The following ROBO2 variants were observed in gnomAD, a reference collection of about 807,000 sequenced individuals.
The protein encoded by ROBO2 is roundabout homolog 2.
ROBO2 carries 53 observed loss-of-function variants against 160.8 expected under a neutral mutation model. The ratio of observed to expected loss-of-function variants is 0.33; its 90% confidence interval spans 0.26 to 0.41. The LOEUF (loss-of-function observed/expected upper bound fraction) is 0.41, where lower values mean the gene tolerates loss of function less well. Among genes scored for constraint, ROBO2 ranks in the 10% least tolerant of loss-of-function variants. The pLI is 1.00. For synonymous variants in ROBO2, 664 were observed against 611.7 expected (o/e 1.09, Z -1.26); for missense variants, 1,577 against 1,722.4 (o/e 0.92, Z 1.49).
At chr3:77,477,683 T>A in intron 3 of ROBO2, 112 bp downstream of exon 3, 1 of 1,106,172 alleles carries the variant, frequency 9.0e-7, no homozygotes, top group South Asian at 1.4e-5. Flanking sequence ...TGAATGTTAA[T>A]TACAATTTAT....
chr3:76,591,424 A>G (rs938899335), intron 2 of ROBO2, among the ~76,000 whole-genome samples: 12 of 152,146 alleles, frequency 7.9e-5, no homozygotes, highest in Non-Finnish European at 1.5e-4. Context: ...GTCAACTGTA[A>G]TAAAAAAGAT....
chr3:76,571,197 A>G (rs1017596959), intron 2 of ROBO2, among the ~76,000 whole-genome samples: 16 of 152,178 alleles, frequency 1.1e-4, no homozygotes, highest in Admixed American at 7.2e-4. Flanking sequence ...ACAGCATTCA[A>G]TTAACAAAAG....
chr3:76,451,333 G>C (rs900095728), intron 2 of ROBO2, among the ~76,000 whole-genome samples: 1 of 152,130 alleles, frequency 6.6e-6, no homozygotes, highest in Non-Finnish European at 1.5e-5. Flanking sequence ...GGGTTAAACA[G>C]TAGCATAACC....
At chr3:76,697,851 A>T (rs1392035547) in intron 2 of ROBO2, among the ~76,000 whole-genome samples, 3 of 152,172 alleles carry the variant, frequency 2.0e-5, no homozygotes, top group African/African-American at 7.2e-5. Context: ...GGAAAAAAAA[A>T]TTGAGGGAAC....
chr3:77,202,220 T>G (rs1283045755), intron 2 of ROBO2, among the ~76,000 whole-genome samples: 1 of 152,144 alleles, frequency 6.6e-6, no homozygotes, highest in Non-Finnish European at 1.5e-5. Context: ...TAACCATATG[T>G]GTTAATAGCA....
chr3:77,396,179 T>C (rs1367173603), intron 2 of ROBO2, among the ~76,000 whole-genome samples: 1 of 152,060 alleles, frequency 6.6e-6, no homozygotes, highest in Non-Finnish European at 1.5e-5. Flanking sequence ...TCTAGGTTAC[T>C]ATTTGTTTCT....
At chr3:76,964,858 G>A (rs6793794) in intron 2 of ROBO2, among the ~76,000 whole-genome samples, 2 of 152,066 alleles carry the variant, frequency 1.3e-5, no homozygotes, top group Non-Finnish European at 2.9e-5. Context: ...ACTACTTTTA[G>A]TAATTCATAG....
chr3:76,585,578 C>A (rs1205861240), intron 2 of ROBO2, among the ~76,000 whole-genome samples: 2 of 152,126 alleles, frequency 1.3e-5, no homozygotes, highest in African/African-American at 4.8e-5. Context: ...ATTTAGGACC[C>A]ACATTTTGAG....
At chr3:76,019,567 A>G (rs1276496265) in intron 2 of ROBO2, among the ~76,000 whole-genome samples, 1 of 151,722 alleles carries the variant, frequency 6.6e-6, no homozygotes, top group African/African-American at 2.4e-5. Context: ...ATATCTGAGA[A>G]TACTGTATAT....
chr3:76,444,759 T>C (rs952889787), intron 2 of ROBO2, among the ~76,000 whole-genome samples: 1 of 152,202 alleles, frequency 6.6e-6, no homozygotes, highest in Non-Finnish European at 1.5e-5. Flanking sequence ...AGCCTAACCA[T>C]ATCAAGGTTT....
At chr3:77,569,471 A>G (rs1323405320) in intron 13 of ROBO2, among the ~76,000 whole-genome samples, 1 of 151,790 alleles carries the variant, frequency 6.6e-6, no homozygotes, top group East Asian at 1.9e-4. Context: ...TTTTTTAGAG[A>G]AATGTCTATT....
chr3:77,338,186 G>T (rs2066684029), intron 2 of ROBO2, among the ~76,000 whole-genome samples: 1 of 152,014 alleles, frequency 6.6e-6, no homozygotes, highest in Non-Finnish European at 1.5e-5. Flanking sequence ...TTTTATTTTG[G>T]TCCAGGATTA....
At chr3:77,306,017 T>C (rs1580906947) in intron 2 of ROBO2, among the ~76,000 whole-genome samples, 1 of 152,246 alleles carries the variant, frequency 6.6e-6, no homozygotes, top group African/African-American at 2.4e-5. Flanking sequence ...ATATTTCCAG[T>C]TTAGGAAATA....
intron 2 of ROBO2, among the ~76,000 whole-genome samples, chr3:76,348,186 C>T (rs2172897): frequency 1.6e-4 from 25 of 152,010 alleles, no homozygotes; most frequent in Admixed American, 1.4e-3. Flanking sequence ...AAGCACTGTC[C>T]GCCATCATTC....
At chr3:77,090,324 T>TC (rs2069991098) in intron 1 of ROBO2, among the ~76,000 whole-genome samples, 1 of 2,520 alleles carries the variant, frequency 4.0e-4, no homozygotes, top group Non-Finnish European at 9.6e-4. Flanking sequence ...TAAACCACTC[T>TC]TTTTTTTTTT....
intron 9 of ROBO2, among the ~76,000 whole-genome samples, chr3:77,562,108 T>A (rs57695141): frequency 8.6e-4 from 130 of 151,236 alleles, no homozygotes; most frequent in Middle Eastern, 3.4e-3. Context: ...TGTCTCGGGG[T>A]AAAAAAAAAG....
chr3:76,770,132 G>A (rs545686050), intron 2 of ROBO2, among the ~76,000 whole-genome samples: 49 of 151,444 alleles, frequency 3.2e-4, no homozygotes, highest in African/African-American at 1.1e-3. Context: ...GGTTTAGACT[G>A]AACATTATTC....
chr3:77,532,167 T>C lies in ROBO2; in HGVS notation c.934+9265T>C, dbSNP rs572997326. Among the ~76,000 whole-genome samples the C allele has an allele frequency of 3.3e-5, 5 of 152,230 alleles. No homozygotes were observed. In the South Asian group the frequency reaches 8.3e-4, roughly 25 times the overall value. ...TTGTGTACTTGGCAATGTCTGTCCA[T>C]TGAACAGGAGGAGAGGCTGGGTCTT... On this transcript the variant is annotated intron_variant, in intron 6 of 25. Transcript: ENST00000461745.
At chr3:77,162,011 T>C (rs948176850) in intron 2 of ROBO2, among the ~76,000 whole-genome samples, 2 of 152,194 alleles carry the variant, frequency 1.3e-5, no homozygotes, top group Non-Finnish European at 2.9e-5. Flanking sequence ...AAGTCATCTT[T>C]TTCTAAAGAA....
Sources: gnomAD v4.1 joint callset for allele counts (sites outside exome capture counted in the v4.1 genomes callset) on GRCh38, gnomAD v4.1.1 for gene constraint, MANE v1.5 for transcripts, NCBI Gene and HGNC (gene_info 2026-07-23, HGNC 2026-07-21) for gene names.